PCCA: variants seen among roughly 807,000 people sequenced by gnomAD.
PCCA encodes propionyl-CoA carboxylase subunit alpha.
Under a neutral mutation model 101.3 loss-of-function variants are expected in PCCA, and 74 were observed. That is an observed-to-expected ratio of 0.73 (90% CI 0.61 to 0.89). The LOEUF (loss-of-function observed/expected upper bound fraction) is 0.89. Ranked by LOEUF, PCCA falls within the 40% of genes least tolerant of loss-of-function variation. The pLI is 0.00. For missense variants in PCCA, 891 were observed against 907.0 expected (o/e 0.98, Z 0.23); for synonymous variants, 294 against 313.6 (o/e 0.94, Z 0.66).
intron 4 of PCCA, among the ~76,000 whole-genome samples, chr13:100,153,414 C>G (rs1372588239): frequency 1.3e-5 from 2 of 152,178 alleles, no homozygotes; most frequent in African/African-American, 4.8e-5. Flanking sequence ...AGATGTGAAA[C>G]TTGGAGTCCA....
intron 6 of PCCA, among the ~76,000 whole-genome samples, chr13:100,183,883 T>G (rs945829960): frequency 2.6e-5 from 4 of 152,186 alleles, no homozygotes; most frequent in Non-Finnish European, 5.9e-5. Flanking sequence ...TGAGGCTGGC[T>G]TTTTCTGCCC....
At chr13:100,467,709 T>C (rs925791884) in intron 21 of PCCA, among the ~76,000 whole-genome samples, 1 of 152,186 alleles carries the variant, frequency 6.6e-6, no homozygotes. Context: ...CAGTCACATG[T>C]CCAAGCTCCA....
intron 7 of PCCA, among the ~76,000 whole-genome samples, chr13:100,220,102 G>C (rs1052236141): frequency 3.3e-5 from 5 of 152,162 alleles, no homozygotes; most frequent in Non-Finnish European, 7.4e-5. Flanking sequence ...GCTTACTCCT[G>C]AATGCTAACT....
At chr13:100,272,885 C>G (rs2063389905) in intron 11 of PCCA, among the ~76,000 whole-genome samples, 1 of 152,086 alleles carries the variant, frequency 6.6e-6, no homozygotes, top group African/African-American at 2.4e-5. Context: ...CGAAGCAATT[C>G]TGAATATATA....
chr13:100,306,452 A>G (rs2066460092), intron 14 of PCCA, among the ~76,000 whole-genome samples: 1 of 152,238 alleles, frequency 6.6e-6, no homozygotes, highest in Admixed American at 6.5e-5. Flanking sequence ...GCTCATTTTT[A>G]AAGTTTTGCA....
At position 100,449,277 on chromosome 13, in the gene PCCA, A is replaced by T. The variant is rs1182617579; in HGVS notation, c.1871A>T (p.Asn624Ile). Reference protein sequence around the residue: ...VQCLSREAGGNMSIQFLGTVY... With the variant: ...VQCLSREAGGIMSIQFLGTVY... ...TGTCTTTCTCGAGAAGCAGGTGGAAACATGAGCATTCAGTTTCTTGGTACA... is the reference window on the plus strand; with the variant it reads ...TGTCTTTCTCGAGAAGCAGGTGGAATCATGAGCATTCAGTTTCTTGGTACA... The change falls in exon 21 of 24, where the codon AAC becomes ATC. Residue 624 changes from asparagine (N) to isoleucine (I), a missense_variant. Physicochemically the swap from Asn to Ile is moderately radical, Grantham distance 149. Coordinates refer to ENST00000376285, the MANE Select transcript of PCCA (RefSeq NM_000282.4). 5 of 1,542,250 alleles carry T rather than the reference A, an allele frequency of 3.2e-6. No homozygotes were observed. The highest frequency in any genetic ancestry group is 4.4e-6 in the Non-Finnish European group (5 of 1,138,742).
chr13:100,090,463 A>G (rs2046175463), intron 1 of PCCA, among the ~76,000 whole-genome samples: 1 of 152,218 alleles, frequency 6.6e-6, no homozygotes, highest in Admixed American at 6.5e-5. Context: ...CTTTGGGGTC[A>G]GGCGCATGAG....
intron 6 of PCCA, among the ~76,000 whole-genome samples, chr13:100,177,576 A>G (rs2056353723): frequency 6.6e-6 from 1 of 152,206 alleles, no homozygotes; most frequent in Non-Finnish European, 1.5e-5. Flanking sequence ...ATACACATTC[A>G]TCCTGTGTTG....
At chr13:100,391,664 T>C (rs1182278204) in intron 19 of PCCA, among the ~76,000 whole-genome samples, 1 of 152,142 alleles carries the variant, frequency 6.6e-6, no homozygotes, top group Non-Finnish European at 1.5e-5. Context: ...GTTTCGATTT[T>C]ATTGTGACAT....
intron 17 of PCCA, among the ~76,000 whole-genome samples, chr13:100,334,319 A>G (rs4772285): frequency 0.98 from 148,920 of 152,288 alleles, 72,903 homozygotes; most frequent in East Asian, 1. Flanking sequence ...TTTACTGTAA[A>G]GAAATTGGTT....
intron 16 of PCCA, among the ~76,000 whole-genome samples, chr13:100,321,044 T>TAGAGCTAAATTCCTCCCTA (rs1555418340): frequency 6.6e-6 from 1 of 151,994 alleles, no homozygotes; most frequent in African/African-American, 2.4e-5. Flanking sequence ...AATTCCTCCC[T>TAGAGCTAAATTCCTCCCTA]AATGTTACCA....
intron 6 of PCCA, among the ~76,000 whole-genome samples, chr13:100,201,951 A>G (rs1001528272): frequency 3.4e-5 from 5 of 148,592 alleles, no homozygotes; most frequent in African/African-American, 9.8e-5. Context: ...CCTCTGTTGT[A>G]TTGGACTTCT....
intron 16 of PCCA, among the ~76,000 whole-genome samples, chr13:100,329,178 C>T (rs990973861): frequency 6.6e-6 from 1 of 151,788 alleles, no homozygotes; most frequent in East Asian, 1.9e-4. Context: ...GTACATTTCT[C>T]GCTTTGTTTT....
intron 16 of PCCA, among the ~76,000 whole-genome samples, chr13:100,315,588 CG>C (rs2067272877): frequency 6.6e-6 from 1 of 152,118 alleles, no homozygotes; most frequent in Non-Finnish European, 1.5e-5. Context: ...AAATGTAATT[CG>C]GTTAAAATGA....
At chr13:100,326,372 C>A (rs774959596) in intron 16 of PCCA, among the ~76,000 whole-genome samples, 2 of 152,096 alleles carry the variant, frequency 1.3e-5, no homozygotes, top group African/African-American at 2.4e-5. Flanking sequence ...ATAGAAGAAG[C>A]AGTGCCAGAA....
At chr13:100,226,642 A>G (rs933367240) in intron 7 of PCCA, among the ~76,000 whole-genome samples, 1 of 152,162 alleles carries the variant, frequency 6.6e-6, no homozygotes, top group African/African-American at 2.4e-5. Flanking sequence ...GAGGAAGTAC[A>G]TGTTTTTTCC....
chr13:100,190,544 A>G (rs750762201), intron 6 of PCCA, among the ~76,000 whole-genome samples: 1 of 152,106 alleles, frequency 6.6e-6, no homozygotes, highest in Non-Finnish European at 1.5e-5. Context: ...ATGTGATGGC[A>G]TATACCTGTA....
chr13:100,108,056 A>G (rs965231389), intron 2 of PCCA, among the ~76,000 whole-genome samples: 1 of 152,116 alleles, frequency 6.6e-6, no homozygotes, highest in Non-Finnish European at 1.5e-5. Context: ...TCATTCCAAC[A>G]AGTACCCAGT....
intron 4 of PCCA, among the ~76,000 whole-genome samples, chr13:100,153,548 C>T (rs1288729120): frequency 6.6e-6 from 1 of 152,078 alleles, no homozygotes; most frequent in Non-Finnish European, 1.5e-5. Flanking sequence ...CAGAAGAAAA[C>T]TACAATCACA....
Sources: allele counts gnomAD v4.1 joint callset (sites outside exome capture counted in the v4.1 genomes callset), GRCh38; gene constraint gnomAD v4.1.1; transcripts MANE v1.5; gene names NCBI Gene and HGNC (gene_info 2026-07-23, HGNC 2026-07-21).